RFX4: variants seen among roughly 807,000 people sequenced by gnomAD.
RFX4 encodes regulatory factor X4.
Under a neutral mutation model 95.0 loss-of-function variants are expected in RFX4, and 10 were observed. The observed-to-expected ratio is 0.11, with a 90% CI of 0.06 to 0.18. The LOEUF is 0.18. Ranked by LOEUF, RFX4 falls within the 10% of genes least tolerant of loss-of-function variation. The pLI is 1.00. For synonymous variants in RFX4, 321 were observed against 340.7 expected, an observed-to-expected ratio of 0.94 and a Z score of 0.64; for missense variants, 640 against 922.0, an observed-to-expected ratio of 0.69 and a Z score of 3.96.
rs114816755 is a variant in RFX4, at chr12:106,740,409, A to G, written c.1634-7028A>G. 5.1e-3 allele frequency among the ~76,000 whole-genome samples: 770 copies of G among 152,326 alleles called. 6 individuals are homozygous for G. The highest frequency in any genetic ancestry group is 0.017 in the African/African-American group (719 of 41,570). Reference sequence around the variant, plus strand: ...ACCTCAGAGTTGTCAGTGCTAGTGAATTCCTCCTTCTTTCGTCCCTGCTAC... The same window carrying G: ...ACCTCAGAGTTGTCAGTGCTAGTGAGTTCCTCCTTCTTTCGTCCCTGCTAC... On this transcript the variant is annotated intron_variant, in intron 15 of 17. Transcript: ENST00000392842.
intron 4 of RFX4, among the ~76,000 whole-genome samples, chr12:106,659,664 T>C (rs1229588652): frequency 6.6e-6 from 1 of 152,212 alleles, no homozygotes; most frequent in Non-Finnish European, 1.5e-5. Context: ...TAAATAACTC[T>C]ATGAAGTAGA....
At position 106,761,394 on chromosome 12, in the gene RFX4, T is replaced by C; in HGVS notation, c.2133T>C (p.Ser711=). 1 of 1,614,186 alleles carries C rather than the reference T, an allele frequency of 6.2e-7. No individual in the cohort carries two copies. The highest frequency in any genetic ancestry group is 8.5e-7 in the Non-Finnish European group (1 of 1,180,034). Residue 711 remains serine (S), a synonymous_variant, in exon 18 of 18, where the codon TCT becomes TCC. Coordinates refer to ENST00000392842, the MANE Select transcript of RFX4 (RefSeq NM_213594.3). The part of the protein sequence containing the change: ...MYTPLTTRRN[S]EYEHMQHFPG... The stretch of plus-strand genomic sequence containing the variant: ...CACCTCTGACAACGCGCAGGAATTC[T>C]GAATATGAGCACATGCAACACTTTC...
chr12:106,685,854 T>A (rs2082170319), intron 5 of RFX4, among the ~76,000 whole-genome samples: 1 of 152,230 alleles, frequency 6.6e-6, no homozygotes, highest in South Asian at 2.1e-4. Flanking sequence ...TTATTGGTTA[T>A]TTTACAAATT....
intron 2 of RFX4, among the ~76,000 whole-genome samples, chr12:106,623,040 T>C (rs2040216809): frequency 9.4e-6 from 1 of 106,432 alleles, no homozygotes; most frequent in Non-Finnish European, 2.1e-5. Flanking sequence ...CATTAGTCTT[T>C]TTTTTTTTTT....
intron 6 of RFX4, among the ~76,000 whole-genome samples, chr12:106,688,898 G>C (rs1383377104): frequency 2.0e-5 from 3 of 152,156 alleles, no homozygotes; most frequent in Non-Finnish European, 4.4e-5. Context: ...AGCCAATGAA[G>C]AGAATTTAGT....
At chr12:106,697,120 C>T (rs1430057085) in intron 8 of RFX4, among the ~76,000 whole-genome samples, 1 of 152,160 alleles carries the variant, frequency 6.6e-6, no homozygotes, top group African/African-American at 2.4e-5. Flanking sequence ...CCCTTCCAAG[C>T]AACTTTCCAG....
chr12:106,654,759 G>A (rs2040922955), intron 4 of RFX4, among the ~76,000 whole-genome samples: 1 of 152,174 alleles, frequency 6.6e-6, no homozygotes, highest in African/African-American at 2.4e-5. Flanking sequence ...TCTGCAAAGA[G>A]TGGTACTATT....
intron 1 of RFX4, among the ~76,000 whole-genome samples, chr12:106,592,807 A>T (rs982375579): frequency 3.9e-5 from 6 of 152,104 alleles, no homozygotes; most frequent in African/African-American, 9.7e-5. Context: ...TTATATATAT[A>T]TTTTTAACGT....
intron 1 of RFX4, among the ~76,000 whole-genome samples, chr12:106,596,714 CT>C (rs2039624485): frequency 6.6e-6 from 1 of 152,218 alleles, no homozygotes; most frequent in Admixed American, 6.5e-5. Flanking sequence ...CAATTAAAAA[CT>C]TATAAGAAAG....
At chr12:106,596,000 C>T (rs915893513) in intron 1 of RFX4, among the ~76,000 whole-genome samples, 8 of 152,196 alleles carry the variant, frequency 5.3e-5, no homozygotes, top group Admixed American at 4.6e-4. Context: ...TGTAAAAGCT[C>T]AATAAACAGA....
At chr12:106,733,777 C>T (rs1384987094) in intron 15 of RFX4, among the ~76,000 whole-genome samples, 3 of 152,120 alleles carry the variant, frequency 2.0e-5, no homozygotes, top group Non-Finnish European at 4.4e-5. Context: ...CCAAGATATG[C>T]ACAGGAGTCT....
intron 8 of RFX4, among the ~76,000 whole-genome samples, chr12:106,699,094 G>C (rs2041938355): frequency 6.6e-6 from 1 of 151,948 alleles, no homozygotes; most frequent in Non-Finnish European, 1.5e-5. Flanking sequence ...CACAGATTTT[G>C]ATATGTTGGA....
At chr12:106,609,873 T>C (rs766284676) in intron 2 of RFX4, among the ~76,000 whole-genome samples, 3 of 152,158 alleles carry the variant, frequency 2.0e-5, no homozygotes, top group Admixed American at 6.5e-5. Flanking sequence ...GACTTATCAC[T>C]ATAGCCCGTT....
At chr12:106,632,654 G>A (rs1320062935) in intron 2 of RFX4, among the ~76,000 whole-genome samples, 1 of 152,132 alleles carries the variant, frequency 6.6e-6, no homozygotes, top group African/African-American at 2.4e-5. Context: ...TAATTTTAAA[G>A]TTTGGGGTTT....
chr12:106,704,198 G>T (rs372310696), intron 8 of RFX4, among the ~76,000 whole-genome samples: 1 of 150,520 alleles, frequency 6.6e-6, no homozygotes, highest in East Asian at 2.0e-4. Context: ...AACAAATGTT[G>T]ATTGATTACT....
At chr12:106,684,635 T>C in intron 5 of RFX4, 4 of 1,332,520 alleles carry the variant, frequency 3.0e-6, no homozygotes, top group Non-Finnish European at 4.0e-6. Context: ...AAGGTTACGG[T>C]GGTGTGTCAT....
At chr12:106,655,993 C>A in intron 4 of RFX4, among the ~76,000 whole-genome samples, 1 of 152,182 alleles carries the variant, frequency 6.6e-6, no homozygotes, top group Non-Finnish European at 1.5e-5. Context: ...TCCAATTTGC[C>A]TGCACAAGAA....
In RFX4 at chr12:106,696,412, C is replaced by G. The variant is rs754267229; in HGVS notation, c.799C>G (p.Leu267Val). 1.9e-6 allele frequency: 3 copies of G among 1,614,112 alleles called. No homozygotes were observed. The highest frequency in any genetic ancestry group is 1.7e-6 in the Non-Finnish European group (2 of 1,180,010). Residue 267 changes from leucine to valine, a missense_variant, in exon 8 of 18, where the codon CTG becomes GTG. This residue lies in a region of RFX4 where 96 missense variants were observed against 183.7 expected (regional missense o/e 0.52). Coordinates refer to ENST00000392842, the MANE Select transcript of RFX4 (RefSeq NM_213594.3). ...SILYKAISGV[L>V]MPTVLQALPD... Reference sequence around the variant, plus strand: ...CCTCTACAAAGCTATCTCCGGGGTGCTGATGCCCACTGTGCTGCAGGCATT... The same window carrying G: ...CCTCTACAAAGCTATCTCCGGGGTGGTGATGCCCACTGTGCTGCAGGCATT...
chr12:106,599,703 C>CT (rs1170197173), intron 1 of RFX4, among the ~76,000 whole-genome samples: 51 of 151,250 alleles, frequency 3.4e-4, no homozygotes, highest in Non-Finnish European at 6.0e-4. Context: ...CCACTACATT[C>CT]TTTTTTTTTA....
Sources: gnomAD v4.1 joint callset for allele counts (sites outside exome capture counted in the v4.1 genomes callset) on GRCh38, gnomAD v4.1.1 for gene constraint, gnomAD v4.1.1 regional missense constraint, MANE v1.5 for transcripts, NCBI Gene and HGNC (gene_info 2026-07-23, HGNC 2026-07-21) for gene names.